Variants in PRR14L observed in about 807,000 individuals in gnomAD.
PRR14L encodes protein PRR14L.
In PRR14L, 80 loss-of-function variants were observed where a neutral mutation model predicts 155.0. That is an observed-to-expected ratio of 0.52 (90% CI 0.43 to 0.62). The LOEUF is 0.62. Ranked by LOEUF, PRR14L falls within the 20% of genes least tolerant of loss-of-function variation. The pLI is 0.00. For synonymous variants in PRR14L, 883 were observed against 916.0 expected, an observed-to-expected ratio of 0.96 and a Z score of 0.65; for missense variants, 2,469 against 2,548.0, an observed-to-expected ratio of 0.97 and a Z score of 0.67.
intron 7 of PRR14L, 86 bp from the exon 8 acceptor site, chr22:31,688,313 A>G: frequency 7.1e-7 from 1 of 1,409,886 alleles, no homozygotes; most frequent in Non-Finnish European, 9.3e-7. Flanking sequence ...CCCAGGCTGA[A>G]GGGCAGTGAC....
At chr22:31,725,731 A>C in intron 2 of PRR14L, 121 bp from the exon 3 acceptor site, 1 of 639,414 alleles carries the variant, frequency 1.6e-6, no homozygotes, top group South Asian at 2.2e-5. Flanking sequence ...TGCAATGGTT[A>C]GATCGTGGCT....
chr22:31,699,358 A>G (rs1755533783), intron 7 of PRR14L, among the ~76,000 whole-genome samples: 1 of 152,188 alleles, frequency 6.6e-6, no homozygotes, highest in Admixed American at 6.5e-5. Flanking sequence ...TTAGTAATGC[A>G]CAGGTTGGCA....
At chr22:31,744,432 C>T (rs2074827680) in intron 1 of PRR14L, among the ~76,000 whole-genome samples, 1 of 152,024 alleles carries the variant, frequency 6.6e-6, no homozygotes, top group Admixed American at 6.6e-5. Flanking sequence ...TATGCCCGGC[C>T]TACTTTTTTA....
chr22:31,709,256 T>G (rs955149310), intron 4 of PRR14L, among the ~76,000 whole-genome samples: 4 of 147,068 alleles, frequency 2.7e-5, no homozygotes, highest in African/African-American at 1.0e-4. Flanking sequence ...TTGTTGTTGT[T>G]TTTTTTTTTT....
chr22:31,714,790 C>A lies in PRR14L; in HGVS notation c.3049G>T (p.Val1017Phe). Residue 1017 changes from valine (V) to phenylalanine (F), a missense_variant, in exon 4 of 9, where the codon GTC (valine) becomes TTC (phenylalanine). By Grantham distance (50) the Val-to-Phe change is conservative (BLOSUM62 -1). Transcript: ENST00000327423. ...EVNHNQKDLL[V>F]SSGSNNSLPC... is the part of the protein sequence containing the mutation. ...AGTGAGTTATTACTGCCTGAGCTGA[C>A]CAGCAGATCCTTTTGGTTGTGGTTT... The A allele has an allele frequency of 6.4e-7, 1 of 1,552,294 alleles. No individual in the cohort carries two copies.
chr22:31,741,527 AG>A (rs1277076347), intron 1 of PRR14L, among the ~76,000 whole-genome samples: 1 of 152,170 alleles, frequency 6.6e-6, no homozygotes, highest in East Asian at 1.9e-4. Flanking sequence ...CTGTGTGTAC[AG>A]GGGAAGAGCG....
rs1601503128 is a variant in PRR14L, at chr22:31,712,586, C to G, written c.5253G>C (p.Glu1751Asp). ...HCAPARLALGEALQCPSQPPK... is the reference protein window; with the variant it reads ...HCAPARLALGDALQCPSQPPK... The stretch of plus-strand genomic sequence containing the variant: ...GAGGTTGAGACGGGCACTGGAGGGC[C>G]TCTCCTAAGGCAAGCCTTGCCGGAG... The change falls in exon 4 of 9, where the codon GAG (glutamate) becomes GAC (aspartate). Residue 1751 changes from glutamate to aspartate, a missense_variant. Glu to Asp is a conservative substitution (Grantham distance 45, BLOSUM62 2). This residue lies in a region of PRR14L where 2,363 missense variants were observed against 2,371.6 expected (regional missense o/e 1.00). Coordinates refer to ENST00000327423, the MANE Select transcript of PRR14L (RefSeq NM_173566.3). 6.4e-7 allele frequency: 1 copy of G among 1,551,598 alleles called. No individual in the cohort carries two copies. Among genetic ancestry groups the G allele is most frequent in the African/African-American group, 1.4e-5 (1 of 73,046 alleles).
At position 31,682,519 on chromosome 22, in the gene PRR14L, A is replaced by T. The variant is rs1251074857; in HGVS notation, c.*3008T>A. 1 of 151,858 alleles carries T rather than the reference A, an allele frequency of 6.6e-6. No individual in the cohort carries two copies. The highest frequency in any genetic ancestry group is 1.5e-5 in the Non-Finnish European group (1 of 68,018). The allele number at this position is 151,858 out of a possible 1,614,324, so 9.4% of individuals were successfully genotyped here. On this transcript the variant is annotated 3_prime_UTR_variant, in exon 9 of 9. Transcript: ENST00000327423. ...GAACTCATGGAGACATGAAGCTGGA[A>T]AGGAGACCAAAAGCAAAAAAAGAGG...
At chr22:31,697,219 T>A (rs926701922) in intron 7 of PRR14L, among the ~76,000 whole-genome samples, 5 of 146,468 alleles carry the variant, frequency 3.4e-5, no homozygotes, top group Non-Finnish European at 7.4e-5. Flanking sequence ...CGAGAATCAC[T>A]GGAACCCAGG....
intron 4 of PRR14L, among the ~76,000 whole-genome samples, chr22:31,709,308 G>A (rs1663987928): frequency 1.3e-5 from 2 of 150,154 alleles, no homozygotes; most frequent in Non-Finnish European, 1.5e-5. Context: ...GCTAGAGTGC[G>A]ATGGCACGAT....
Position 31,712,141 on chromosome 22 carries a change from T to C in PRR14L, c.5698A>G (p.Ile1900Val). 6.2e-7 allele frequency: 1 copy of C among 1,613,872 alleles called. No homozygotes were observed. The highest frequency in any genetic ancestry group is 8.5e-7 in the Non-Finnish European group (1 of 1,179,968). ...QHGPSVCSFE[I>V]SSLHSPHCKR... ...CAGTGAGGGGAATGAAGAGAAGAGATTTCGAAGGAGCAGACAGAAGGACCA... is the reference window on the plus strand; with the variant it reads ...CAGTGAGGGGAATGAAGAGAAGAGACTTCGAAGGAGCAGACAGAAGGACCA... Residue 1900 changes from isoleucine to valine, a missense_variant, in exon 4 of 9, where the codon ATC becomes GTC. This residue lies in a region of PRR14L where 2,363 missense variants were observed against 2,371.6 expected (regional missense o/e 1.00). Coordinates refer to ENST00000327423, the MANE Select transcript of PRR14L (RefSeq NM_173566.3).
intron 7 of PRR14L, among the ~76,000 whole-genome samples, chr22:31,699,031 A>G (rs2074549821): frequency 6.6e-6 from 1 of 152,076 alleles, no homozygotes; most frequent in African/African-American, 2.4e-5. Flanking sequence ...ATGCTTTATT[A>G]TAAATTTAGA....
At chr22:31,701,243 C>T (rs888935632) in intron 7 of PRR14L, among the ~76,000 whole-genome samples, 5 of 152,192 alleles carry the variant, frequency 3.3e-5, no homozygotes, top group African/African-American at 9.6e-5. Context: ...CCACCTCGGC[C>T]TCCCAAAGTG....
At position 31,691,552 on chromosome 22, in the gene PRR14L, C is replaced by T. The variant is rs1044195366; in HGVS notation, c.6108-3325G>A. ...CACTTTCATAACTCCAAACAGAAAC[C>T]TACTTTTAGCAGTCACCTGGACTCT... On this transcript the variant is annotated intron_variant, in intron 7 of 8. Transcript: ENST00000327423. Among the ~76,000 whole-genome samples the T allele has an allele frequency of 2.0e-5, 3 of 152,230 alleles. No homozygotes were observed. In the East Asian group the frequency reaches 5.8e-4, roughly 29 times the overall value.
In PRR14L at chr22:31,703,651, G is replaced by A. The variant is rs2074574368; in HGVS notation, c.5899C>T (p.Leu1967=). 6.8e-6 allele frequency: 11 copies of A among 1,613,072 alleles called. No homozygotes were observed. The highest frequency in any genetic ancestry group is 1.3e-5 in the African/African-American group (1 of 74,888). The change falls in exon 6 of 9, where the codon CTG becomes TTG. Residue 1967 remains leucine (L), a synonymous_variant. Coordinates refer to ENST00000327423, the MANE Select transcript of PRR14L (RefSeq NM_173566.3). Reference sequence around the variant, plus strand: ...ACCTGGAACTCAGAGGCTGAAAGCAGGAGCTTGCTGACAGCTGATTCTGCT... The same window carrying A: ...ACCTGGAACTCAGAGGCTGAAAGCAAGAGCTTGCTGACAGCTGATTCTGCT... ...LVAESAVSKL[L]LSASEFQVRG...
In PRR14L at chr22:31,714,576, A is replaced by G. The variant is rs796600430; in HGVS notation, c.3263T>C (p.Phe1088Ser). The G allele has an allele frequency of 3.9e-6, 6 of 1,551,798 alleles. No individual in the cohort carries two copies. Among genetic ancestry groups the G allele is most frequent in the Admixed American group, 3.9e-5 (2 of 50,962 alleles). The change falls in exon 4 of 9, where the codon TTT becomes TCT. Residue 1088 changes from phenylalanine (F) to serine (S), a missense_variant. Transcript: ENST00000327423. ...CAAGGTACTCCTGGAGTCCTCTTGA[A>G]ATGCCAGTTTCTCTTGCCTTGCACC... ...DCGARQEKLAFQEDSRSTLSR... is the reference protein window; with the variant it reads ...DCGARQEKLASQEDSRSTLSR...
intron 2 of PRR14L, among the ~76,000 whole-genome samples, chr22:31,727,041 T>C (rs941998569): frequency 6.6e-6 from 1 of 152,124 alleles, no homozygotes; most frequent in African/African-American, 2.4e-5. Flanking sequence ...TACAGGCTCC[T>C]TCAGATCCCA....
intron 3 of PRR14L, among the ~76,000 whole-genome samples, chr22:31,724,228 A>G (rs1306883173): frequency 1.3e-5 from 2 of 152,224 alleles, no homozygotes; most frequent in African/African-American, 4.8e-5. Context: ...TAATTATTTC[A>G]TTATATATTA....
intron 2 of PRR14L, among the ~76,000 whole-genome samples, chr22:31,726,559 G>A (rs371355516): frequency 6.6e-6 from 1 of 152,104 alleles, no homozygotes; most frequent in African/African-American, 2.4e-5. Context: ...GAGACACCGC[G>A]CCTGGCCAAG....
Sources: allele counts gnomAD v4.1 joint callset (sites outside exome capture counted in the v4.1 genomes callset), GRCh38; gene constraint gnomAD v4.1.1; regional missense constraint gnomAD v4.1.1; transcripts MANE v1.5; gene names NCBI Gene and HGNC (gene_info 2026-07-23, HGNC 2026-07-21).